Variants in HERC2 observed in about 807,000 individuals in gnomAD.
HERC2 encodes the protein HECT and RLD domain containing E3 ubiquitin protein ligase 2.
Under a neutral mutation model 537.7 loss-of-function variants are expected in HERC2, and 102 were observed. The observed-to-expected ratio is 0.19, with a 90% CI of 0.16 to 0.22. HERC2 has a LOEUF of 0.22. Ranked by LOEUF, HERC2 falls within the 10% of genes least tolerant of loss-of-function variation. The pLI is 1.00. For synonymous variants in HERC2, 2,224 were observed against 2,466.2 expected, an observed-to-expected ratio of 0.90 and a Z score of 2.91; for missense variants, 4,236 against 6,198.2, an observed-to-expected ratio of 0.68 and a Z score of 10.63.
At chr15:28,196,697 G>C (rs1897375526) in intron 50 of HERC2, 128 bp from the exon 51 acceptor site, 2 of 609,202 alleles carry the variant, frequency 3.3e-6, no homozygotes, top group Non-Finnish European at 5.9e-6. Context: ...CTACCTTTTA[G>C]AGATAGGTAC....
In HERC2 at chr15:28,233,270, A is replaced by C; in HGVS notation, c.4551T>G (p.Phe1517Leu). 1.3e-6 allele frequency: 2 copies of C among 1,542,632 alleles called. No homozygotes were observed. Among genetic ancestry groups the C allele is most frequent in the South Asian group, 2.2e-5 (2 of 89,486 alleles). ...TACAAACAGCAGGTCTCAATTCATT[A>C]AAGAGGAATCTCAAACGTTCGATGA... Reference protein sequence around the residue: ...APVIERLRFLFNELRPAVCND... With the variant: ...APVIERLRFLLNELRPAVCND... Residue 1517 changes from phenylalanine (F) to leucine (L), a missense_variant, in exon 30 of 93, where the codon TTT (phenylalanine) becomes TTG (leucine). This residue lies in a region of HERC2 where 94 missense variants were observed against 174.9 expected (regional missense o/e 0.54). Transcript: ENST00000261609.
intron 14 of HERC2, 94 bp from the exon 15 acceptor site, chr15:28,263,263 A>C: frequency 7.4e-7 from 1 of 1,351,392 alleles, no homozygotes; most frequent in African/African-American, 1.5e-5. Context: ...AACGCACACT[A>C]ATCTAGACCA....
Position 28,141,958 on chromosome 15 carries a change from C to G in HERC2, c.11701-112G>C, listed in dbSNP as rs1431757891. ...GCCTAAAAATATGAGGGAAGAGCAA[C>G]ATTGCAATGTTATGGTTCATGGGCA... On this transcript the variant is annotated intron_variant, in intron 76 of 92. Coordinates refer to ENST00000261609, the MANE Select transcript of HERC2 (RefSeq NM_004667.6). 15 of 868,586 alleles carry G rather than the reference C, an allele frequency of 1.7e-5. No individual in the cohort carries two copies. The Admixed American group carries it at 2.9e-4, about 17-fold the overall frequency. The allele number at this position is 868,586 out of a possible 1,614,324, so 53.8% of individuals were successfully genotyped here.
At chr15:28,241,182 A>G (rs1282784309) in intron 23 of HERC2, among the ~76,000 whole-genome samples, 1 of 152,208 alleles carries the variant, frequency 6.6e-6, no homozygotes, top group African/African-American at 2.4e-5. Flanking sequence ...AAACCCAACA[A>G]GACAAAAAAC....
At chr15:28,207,901 T>C (rs6497289) in intron 44 of HERC2, among the ~76,000 whole-genome samples, 32,619 of 150,730 alleles carry the variant, frequency 0.22, 7,065 homozygotes, top group African/African-American at 0.55. Context: ...AAGTGGTGTG[T>C]CTGTGTTCCC....
In HERC2 at chr15:28,244,687, A is replaced by G. The variant is rs535465713; in HGVS notation, c.3577+1194T>C. Among the ~76,000 whole-genome samples the G allele has an allele frequency of 2.6e-5, 4 of 152,296 alleles. No homozygotes were observed. In the East Asian group the frequency reaches 7.7e-4, roughly 29 times the overall value. ...TATGATAGTAGAGAGACAAAATAAC[A>G]CAGGACTAAGCTCACTCCTTAACAA... is the stretch of plus-strand genomic sequence containing the variant. On this transcript the variant is annotated intron_variant, in intron 23 of 92. Coordinates refer to ENST00000261609, the MANE Select transcript of HERC2 (RefSeq NM_004667.6).
At chr15:28,259,256 G>A (rs1480470818) in intron 16 of HERC2, among the ~76,000 whole-genome samples, 2 of 151,916 alleles carry the variant, frequency 1.3e-5, no homozygotes, top group Admixed American at 6.6e-5. Flanking sequence ...CACCAAGCTC[G>A]ACGAAATTTT....
intron 78 of HERC2, among the ~76,000 whole-genome samples, chr15:28,137,653 C>T (rs151334920): frequency 2.6e-4 from 39 of 152,250 alleles, no homozygotes; most frequent in African/African-American, 8.7e-4. Flanking sequence ...CTGATTGCTC[C>T]GCCAACCAGC....
Position 28,151,883 on chromosome 15 carries a change from A to G in HERC2, c.10900+794T>C, listed in dbSNP as rs529673642. Among the ~76,000 whole-genome samples, 3 of 152,358 alleles carry G rather than the reference A, an allele frequency of 2.0e-5. No homozygotes were observed. The South Asian group carries it at 6.2e-4, about 32-fold the overall frequency. On this transcript the variant is annotated intron_variant, in intron 70 of 92. Coordinates refer to ENST00000261609, the MANE Select transcript of HERC2 (RefSeq NM_004667.6). ...CTTTCTCAGGCAAACAGCACCTTGA[A>G]CAACTAACTACAGGATGAAGGGAAA...
At chr15:28,278,495 TG>T (rs1307523278) in intron 5 of HERC2, among the ~76,000 whole-genome samples, 2 of 152,264 alleles carry the variant, frequency 1.3e-5, no homozygotes, top group Non-Finnish European at 2.9e-5. Context: ...ATTGTTGTGT[TG>T]TTTTTTATTG....
intron 79 of HERC2, among the ~76,000 whole-genome samples, chr15:28,134,399 G>A (rs138576430): frequency 6.0e-4 from 92 of 152,170 alleles, no homozygotes; most frequent in African/African-American, 2.1e-3. Flanking sequence ...CATAAACAAT[G>A]TTTTCTGCAA....
chr15:28,161,172 T>C (rs1364788559), intron 69 of HERC2, among the ~76,000 whole-genome samples: 2 of 152,248 alleles, frequency 1.3e-5, no homozygotes, highest in African/African-American at 4.8e-5. Flanking sequence ...TTGGTGATCA[T>C]GTAAGTTACT....
At chr15:28,185,813 C>A (rs570210412) in intron 56 of HERC2, among the ~76,000 whole-genome samples, 3 of 152,312 alleles carry the variant, frequency 2.0e-5, no homozygotes, top group African/African-American at 7.2e-5. Context: ...CTTCTTCCTG[C>A]CTCTTACCAA....
intron 17 of HERC2, 48 bp downstream of exon 17, chr15:28,257,013 C>A: frequency 6.7e-7 from 1 of 1,503,460 alleles, no homozygotes; most frequent in Non-Finnish European, 9.2e-7. Context: ...TCTTACAAAT[C>A]CCTAAGACAC....
At chr15:28,141,310 GTATCAT>G in intron 78 of HERC2, 116 bp downstream of exon 78, 2 of 718,444 alleles carry the variant, frequency 2.8e-6, no homozygotes, top group Non-Finnish European at 4.8e-6. Context: ...GCATACCACA[GTATCAT>G]TAATCCTGAG....
At chr15:28,308,904 A>G (rs1220447985) in intron 2 of HERC2, among the ~76,000 whole-genome samples, 1 of 152,248 alleles carries the variant, frequency 6.6e-6, no homozygotes, top group Non-Finnish European at 1.5e-5. Context: ...CCACTTGGTC[A>G]CAATGAACGA....
At chr15:28,271,047 T>G (rs2075713377) in intron 9 of HERC2, among the ~76,000 whole-genome samples, 179 bp from the exon 10 acceptor site, 1 of 152,244 alleles carries the variant, frequency 6.6e-6, no homozygotes, top group South Asian at 2.1e-4. Context: ...ACTGACTGTG[T>G]AAATGTCTAA....
At chr15:28,162,685 C>G (rs1222994665) in intron 69 of HERC2, among the ~76,000 whole-genome samples, 2 of 151,996 alleles carry the variant, frequency 1.3e-5, no homozygotes, top group African/African-American at 4.8e-5. Context: ...GTCAGGAGAT[C>G]AAGACCATCC....
chr15:28,303,428 T>C (rs973972080), intron 2 of HERC2, among the ~76,000 whole-genome samples: 8 of 152,168 alleles, frequency 5.3e-5, no homozygotes, highest in Admixed American at 1.3e-4. Flanking sequence ...TTGCACTTGA[T>C]CTAAGCCAAA....
Sources: allele counts gnomAD v4.1 joint callset (sites outside exome capture counted in the v4.1 genomes callset), GRCh38; gene constraint gnomAD v4.1.1; regional missense constraint gnomAD v4.1.1; transcripts MANE v1.5; gene names NCBI Gene and HGNC (gene_info 2026-07-23, HGNC 2026-07-21).